Variants in GNAO1 observed in about 807,000 individuals in gnomAD.
GNAO1 encodes the protein G protein subunit alpha o1, also known as guanine nucleotide-binding protein G(o) subunit alpha.
For missense variants in GNAO1, 166 were observed against 478.7 expected, an observed-to-expected ratio of 0.35 and a Z score of 6.10; for synonymous variants, 164 against 180.7, an observed-to-expected ratio of 0.91 and a Z score of 0.74.
chr16:56,288,278 G>A (rs1023073847), intron 3 of GNAO1, among the ~76,000 whole-genome samples: 26 of 152,244 alleles, frequency 1.7e-4, no homozygotes, highest in African/African-American at 6.0e-4. Flanking sequence ...CAGGTGGACA[G>A]CCTCAGTGAT....
At chr16:56,316,466 A>C (rs1373889211) in intron 3 of GNAO1, among the ~76,000 whole-genome samples, 1 of 152,112 alleles carries the variant, frequency 6.6e-6, no homozygotes. Flanking sequence ...TTAACCTTCT[A>C]GGGCTGCATG....
At chr16:56,332,757 G>T (rs2037701561) in intron 4 of GNAO1, among the ~76,000 whole-genome samples, 1 of 152,256 alleles carries the variant, frequency 6.6e-6, no homozygotes, top group Admixed American at 6.5e-5. Flanking sequence ...AGGCCAGAGG[G>T]CCAGGTTGCC....
intron 8 of GNAO1, chr16:56,355,725 A>G (rs2037961650): frequency 6.6e-6 from 1 of 152,262 alleles, no homozygotes; most frequent in Non-Finnish European, 1.5e-5. Context: ...TATTCATGTT[A>G]AGATGGCAAG....
intron 2 of GNAO1, among the ~76,000 whole-genome samples, chr16:56,204,528 C>G (rs1312969087): frequency 1.3e-5 from 2 of 152,056 alleles, no homozygotes; most frequent in Non-Finnish European, 2.9e-5. Context: ...CAAAAGGAGC[C>G]AGAGAGCAGA....
intron 2 of GNAO1, among the ~76,000 whole-genome samples, chr16:56,215,122 T>C (rs550777751): frequency 6.6e-6 from 1 of 152,344 alleles, no homozygotes; most frequent in South Asian, 2.1e-4. Context: ...GCATGCTTCC[T>C]CCTCTTTCTC....
intron 6 of GNAO1, among the ~76,000 whole-genome samples, chr16:56,343,463 G>A (rs912273729): frequency 3.6e-4 from 51 of 143,046 alleles, no homozygotes; most frequent in African/African-American, 1.3e-3. Context: ...ACTCCAGCTT[G>A]AGCAACAGAG....
intron 2 of GNAO1, among the ~76,000 whole-genome samples, chr16:56,217,463 AACTGAC>A (rs1268779345): frequency 6.6e-6 from 1 of 152,172 alleles, no homozygotes. Flanking sequence ...AATCACATAA[AACTGAC>A]ATAGTGGATT....
chr16:56,354,843 C>G lies in GNAO1; in HGVS notation c.878-23C>G, dbSNP rs764412868. The G allele has an allele frequency of 1.4e-5, 21 of 1,552,288 alleles. No homozygotes were observed. Among genetic ancestry groups the G allele is most frequent in the Non-Finnish European group, 1.8e-5 (20 of 1,125,510 alleles). ...CACAGCGCTCATCAGGGCCTCTCCC[C>G]GTTCTTCTGTGTCTTGTTACAGGCC... is the stretch of plus-strand genomic sequence containing the variant. On this transcript the variant is annotated intron_variant, in intron 7 of 8. Coordinates refer to ENST00000262493, the MANE Select transcript of GNAO1 (RefSeq NM_020988.3). The surrounding 1 kb of genome is among the most constrained non-coding windows in gnomAD (Gnocchi z 4.3).
intron 6 of GNAO1, chr16:56,346,259 G>C (rs2037868464): frequency 1.0e-6 from 1 of 985,460 alleles, no homozygotes; most frequent in Non-Finnish European, 1.2e-6. Flanking sequence ...TGGTGACTGA[G>C]GGTGACAAAT....
chr16:56,217,505 C>A (rs913906403), intron 2 of GNAO1, among the ~76,000 whole-genome samples: 27 of 152,104 alleles, frequency 1.8e-4, no homozygotes, highest in Admixed American at 1.2e-3. Flanking sequence ...GGGCAAGAGA[C>A]CCTTGTTATT....
intron 3 of GNAO1, among the ~76,000 whole-genome samples, chr16:56,322,609 G>C (rs1321165797): frequency 2.0e-5 from 3 of 152,008 alleles, no homozygotes; most frequent in Non-Finnish European, 4.4e-5. Context: ...TCTGCTTGGG[G>C]GCTGGGCTGG....
rs141510445 is a variant in GNAO1 at position 56,242,276 on chromosome 16, C to G, written c.162-33655C>G. 5.7e-3 allele frequency among the ~76,000 whole-genome samples: 866 copies of G among 152,020 alleles called. 5 individuals carry two copies. Among genetic ancestry groups the G allele is most frequent in the Non-Finnish European group, 1.0e-2 (678 of 67,968 alleles). ...AATCATTTATAGATTGAACATAATCCCTATCAAAATCCCAGGTGCCTTCTT... is the reference window on the plus strand; with the variant it reads ...AATCATTTATAGATTGAACATAATCGCTATCAAAATCCCAGGTGCCTTCTT... On this transcript the variant is annotated intron_variant, in intron 2 of 8. Coordinates refer to ENST00000262493, the MANE Select transcript of GNAO1 (RefSeq NM_020988.3).
intron 2 of GNAO1, among the ~76,000 whole-genome samples, chr16:56,262,551 T>A (rs1277533815): frequency 1.3e-5 from 2 of 152,164 alleles, no homozygotes; most frequent in East Asian, 3.8e-4. Flanking sequence ...GGAAGTTTTT[T>A]TTTTTCCCCA....
chr16:56,192,484 C>T, intron 1 of GNAO1, 90 bp from the exon 2 acceptor site: 1 of 860,028 alleles, frequency 1.2e-6, no homozygotes, highest in South Asian at 1.4e-5. Context: ...CCCAGGATCG[C>T]CCACCCCCTC....
intron 2 of GNAO1, among the ~76,000 whole-genome samples, chr16:56,268,153 C>T (rs1341789593): frequency 6.6e-6 from 1 of 152,178 alleles, no homozygotes; most frequent in Non-Finnish European, 1.5e-5. Context: ...CACAGTTTTC[C>T]ATCTGGAAAA....
At chr16:56,281,106 A>T (rs964410996) in intron 3 of GNAO1, among the ~76,000 whole-genome samples, 40 of 152,258 alleles carry the variant, frequency 2.6e-4, no homozygotes, top group Non-Finnish European at 5.0e-4. Flanking sequence ...TGGAGAGGCT[A>T]AGTGACTTGC....
chr16:56,249,097 C>G (rs1159809684), intron 2 of GNAO1, among the ~76,000 whole-genome samples: 1 of 152,146 alleles, frequency 6.6e-6, no homozygotes, highest in African/African-American at 2.4e-5. Flanking sequence ...CAATCAGGTC[C>G]TGGATGTGTT....
chr16:56,253,458 G>A (rs1416871160), intron 2 of GNAO1, among the ~76,000 whole-genome samples: 1 of 152,218 alleles, frequency 6.6e-6, no homozygotes, highest in African/African-American at 2.4e-5. Context: ...TTGGGCAAGT[G>A]TGATTAATTG....
At chr16:56,206,343 AAAG>A (rs2036328305) in intron 2 of GNAO1, among the ~76,000 whole-genome samples, 1 of 151,852 alleles carries the variant, frequency 6.6e-6, no homozygotes, top group East Asian at 1.9e-4. Flanking sequence ...AAAAAAAAAA[AAAG>A]AGGCAGTTAG....
Sources: gnomAD v4.1 joint callset for allele counts (sites outside exome capture counted in the v4.1 genomes callset) on GRCh38, gnomAD v4.1.1 for gene constraint, Gnocchi (gnomAD v3.1) non-coding constraint, MANE v1.5 for transcripts, NCBI Gene and HGNC (gene_info 2026-07-23, HGNC 2026-07-21) for gene names.